The following PCDH15 variants were observed in gnomAD, a reference collection of about 807,000 sequenced individuals.
PCDH15 encodes the protein protocadherin related 15.
A neutral mutation model predicts 178.5 loss-of-function variants in PCDH15; 129 were observed. The observed-to-expected ratio is 0.72, with a 90% confidence interval of 0.63 to 0.84. PCDH15 has a LOEUF of 0.84. Among genes scored for constraint, PCDH15 ranks in the 40% least tolerant of loss-of-function variants. The probability of loss-of-function intolerance (pLI) is 0.00; values close to 1 mark genes in which losing one functional copy is unlikely to be tolerated. For synonymous variants in PCDH15, 800 were observed against 732.0 expected, an observed-to-expected ratio of 1.09 and a Z score of -1.50; for missense variants, 2,230 against 2,099.9, an observed-to-expected ratio of 1.06 and a Z score of -1.21.
chr10:55,283,570 C>T (rs1489642703), intron 1 of PCDH15, among the ~76,000 whole-genome samples: 1 of 151,638 alleles, frequency 6.6e-6, no homozygotes, highest in Non-Finnish European at 1.5e-5. Context: ...TACTACTTTT[C>T]TTATTACTAT....
At chr10:54,291,625 A>G (rs1284670788) in intron 8 of PCDH15, among the ~76,000 whole-genome samples, 2 of 152,220 alleles carry the variant, frequency 1.3e-5, no homozygotes, top group East Asian at 1.9e-4. Context: ...ACAATAAAAA[A>G]TGACAAAGTG....
chr10:54,482,067 A>G (rs1362489445), intron 3 of PCDH15, among the ~76,000 whole-genome samples: 1 of 151,940 alleles, frequency 6.6e-6, no homozygotes, highest in Admixed American at 6.6e-5. Flanking sequence ...TAGGAAAAAC[A>G]GTTTTCATAG....
At chr10:54,267,902 T>C (rs183236193) in intron 8 of PCDH15, among the ~76,000 whole-genome samples, 1 of 151,772 alleles carries the variant, frequency 6.6e-6, no homozygotes, top group African/African-American at 2.4e-5. Flanking sequence ...GCCAAAATCA[T>C]TTTTTACACA....
intron 1 of PCDH15, among the ~76,000 whole-genome samples, chr10:54,718,998 A>C (rs2384521): frequency 0.57 from 86,764 of 151,694 alleles, 26,322 homozygotes; most frequent in Middle Eastern, 0.72. Context: ...CCCGGTCCAC[A>C]CTGATTCTTT....
chr10:55,344,288 G>A (rs532428810), intron 2 of PCDH15, among the ~76,000 whole-genome samples: 23 of 152,162 alleles, frequency 1.5e-4, no homozygotes, highest in South Asian at 2.1e-4. Flanking sequence ...ATAGATAGCC[G>A]TTAGAAAATT....
intron 9 of PCDH15, among the ~76,000 whole-genome samples, chr10:54,218,684 C>A (rs921897311): frequency 1.3e-5 from 2 of 151,086 alleles, no homozygotes; most frequent in African/African-American, 4.9e-5. Context: ...TTAAGCTACT[C>A]AGTCTAGGGT....
intron 1 of PCDH15, among the ~76,000 whole-genome samples, chr10:54,697,674 G>GGGACGGGA (rs2095251949): frequency 8.1e-6 from 1 of 123,376 alleles, no homozygotes; most frequent in Non-Finnish European, 1.7e-5. Context: ...AAGGGGGAAG[G>GGGACGGGA]GGAAGGGAGG....
chr10:54,863,068 C>T (rs1018972031), intron 3 of PCDH15, among the ~76,000 whole-genome samples: 1 of 151,984 alleles, frequency 6.6e-6, no homozygotes, highest in Non-Finnish European at 1.5e-5. Flanking sequence ...ATCAATGTTC[C>T]TCAAACTATG....
intron 3 of PCDH15, among the ~76,000 whole-genome samples, chr10:54,423,459 A>G (rs1955811902): frequency 6.6e-6 from 1 of 151,862 alleles, no homozygotes; most frequent in South Asian, 2.1e-4. Flanking sequence ...ATATTTTGAA[A>G]AGAGATAGAA....
chr10:53,945,859 A>G (rs994236800), intron 23 of PCDH15, among the ~76,000 whole-genome samples: 6 of 141,652 alleles, frequency 4.2e-5, no homozygotes, highest in African/African-American at 1.5e-4. Context: ...ATATATATAT[A>G]TATATATATA....
At chr10:54,100,278 T>C (rs4381286) in intron 15 of PCDH15, among the ~76,000 whole-genome samples, 85,696 of 151,332 alleles carry the variant, frequency 0.57, 25,241 homozygotes, top group Middle Eastern at 0.66. Context: ...GGCAGGAGAA[T>C]CGCTTGAACC....
chr10:54,836,644 A>G (rs997617645), intron 3 of PCDH15, among the ~76,000 whole-genome samples: 3 of 152,258 alleles, frequency 2.0e-5, no homozygotes, highest in African/African-American at 7.2e-5. Flanking sequence ...GAAAAAAGAT[A>G]TAATCTCACT....
intron 1 of PCDH15, among the ~76,000 whole-genome samples, chr10:54,753,822 G>A (rs1438107251): frequency 6.6e-6 from 1 of 150,688 alleles, no homozygotes; most frequent in Non-Finnish European, 1.5e-5. Context: ...AATCTGGAAT[G>A]TAATCTGAAG....
chr10:54,526,490 C>A (rs192244895), intron 3 of PCDH15, among the ~76,000 whole-genome samples: 1 of 152,246 alleles, frequency 6.6e-6, no homozygotes, highest in African/African-American at 2.4e-5. Context: ...AGCCATAATT[C>A]ATCACTGTAA....
At chr10:55,389,452 G>A (rs1213006533) in intron 2 of PCDH15, among the ~76,000 whole-genome samples, 3 of 151,810 alleles carry the variant, frequency 2.0e-5, no homozygotes, top group Admixed American at 6.6e-5. Flanking sequence ...TCTAATTTGC[G>A]ACTGTATTAT....
intron 20 of PCDH15, among the ~76,000 whole-genome samples, chr10:54,002,217 G>A (rs1158475130): frequency 1.3e-5 from 2 of 151,812 alleles, no homozygotes; most frequent in African/African-American, 4.8e-5. Flanking sequence ...TAAAGCTAAA[G>A]AGCCAGATAC....
chr10:54,853,289 G>GTATGTATATA (rs1554806765), intron 3 of PCDH15, among the ~76,000 whole-genome samples: 1 of 102,576 alleles, frequency 9.7e-6, no homozygotes, highest in Non-Finnish European at 1.9e-5. Flanking sequence ...ATGTATGTGT[G>GTATGTATATA]TATATATATA....
chr10:54,076,126 A>C (rs540967562), intron 17 of PCDH15, among the ~76,000 whole-genome samples: 4 of 152,212 alleles, frequency 2.6e-5, no homozygotes, highest in East Asian at 1.9e-4. Flanking sequence ...TGTTTTATTT[A>C]ATTTCTTTCC....
intron 2 of PCDH15, among the ~76,000 whole-genome samples, chr10:55,325,931 T>C (rs1433051677): frequency 1.3e-5 from 2 of 152,038 alleles, no homozygotes; most frequent in African/African-American, 4.8e-5. Context: ...GCCAAAGGCA[T>C]GAAGAGACAC....
Sources: allele counts gnomAD v4.1 joint callset (sites outside exome capture counted in the v4.1 genomes callset), GRCh38; gene constraint gnomAD v4.1.1; transcripts MANE v1.5; gene names NCBI Gene and HGNC (gene_info 2026-07-23, HGNC 2026-07-21).